The following KCNH5 variants were observed in gnomAD, a reference collection of about 807,000 sequenced individuals.
KCNH5 encodes the protein potassium voltage-gated channel subfamily H member 5, also known as voltage-gated delayed rectifier potassium channel KCNH5.
In KCNH5, 46 loss-of-function variants were observed where a neutral mutation model predicts 96.1. That is an observed-to-expected ratio of 0.48 (90% CI 0.38 to 0.61). KCNH5 has a LOEUF of 0.61. Among genes scored for constraint, KCNH5 ranks in the 20% least tolerant of loss-of-function variants. The pLI is 0.00. For synonymous variants in KCNH5, 439 were observed against 449.8 expected, an observed-to-expected ratio of 0.98 and a Z score of 0.30; for missense variants, 907 against 1,225.8, an observed-to-expected ratio of 0.74 and a Z score of 3.88.
At chr14:62,741,272 G>A (rs925228143) in intron 10 of KCNH5, among the ~76,000 whole-genome samples, 1 of 152,078 alleles carries the variant, frequency 6.6e-6, no homozygotes, top group African/African-American at 2.4e-5. Context: ...GGGGATAATT[G>A]GCAATACAAG....
At chr14:62,869,298 C>CT (rs1047031869) in intron 7 of KCNH5, among the ~76,000 whole-genome samples, 1 of 151,784 alleles carries the variant, frequency 6.6e-6, no homozygotes, top group Non-Finnish European at 1.5e-5. Flanking sequence ...TGATGACTAG[C>CT]TTTTTTTCAT....
At position 62,991,717 on chromosome 14, in the gene KCNH5, A is replaced by C. The variant is rs143718836; in HGVS notation, c.434-4530T>G. Among the ~76,000 whole-genome samples, 293 of 152,108 alleles carry C rather than the reference A, an allele frequency of 1.9e-3. 1 individual carries two copies. Among genetic ancestry groups the C allele is most frequent in the African/African-American group, 6.8e-3 (284 of 41,526 alleles). On this transcript the variant is annotated intron_variant, in intron 4 of 10. Coordinates refer to ENST00000322893, the MANE Select transcript of KCNH5 (RefSeq NM_139318.5). ...GGGCCTTCTTGCAGTTCCAGTTCCA[A>C]AGAGTTAGCATTTTTCTCACAACAC...
intron 10 of KCNH5, among the ~76,000 whole-genome samples, chr14:62,708,660 T>C (rs145085921): frequency 2.3e-3 from 353 of 152,256 alleles, no homozygotes; most frequent in African/African-American, 8.0e-3. Flanking sequence ...AAACCCAACA[T>C]AGAAATGTTG....
chr14:62,898,015 G>A (rs893931860), intron 7 of KCNH5, among the ~76,000 whole-genome samples: 6 of 152,282 alleles, frequency 3.9e-5, no homozygotes, highest in Admixed American at 2.0e-4. Context: ...CTGAGTCAAT[G>A]AGCCAGCAAG....
intron 9 of KCNH5, among the ~76,000 whole-genome samples, chr14:62,785,306 T>G (rs900405952): frequency 2.0e-5 from 3 of 152,244 alleles, no homozygotes; most frequent in African/African-American, 7.2e-5. Context: ...AATCATAGGC[T>G]GTGAAAATGT....
rs920298443 is a variant in KCNH5 at position 62,846,535 on chromosome 14, T to C, written c.1569+3118A>G. 5.9e-4 allele frequency among the ~76,000 whole-genome samples: 90 copies of C among 151,890 alleles called. 1 individual carries two copies. Among genetic ancestry groups the C allele is most frequent in the Non-Finnish European group, 5.9e-5 (4 of 67,910 alleles). The stretch of plus-strand genomic sequence containing the variant: ...TGTTTTTTTGCATTTAATTCTCAGT[T>C]TTTCTGATATTTATGTTAGGTCATG... On this transcript the variant is annotated intron_variant, in intron 8 of 10. Coordinates refer to ENST00000322893, the MANE Select transcript of KCNH5 (RefSeq NM_139318.5).
At chr14:62,753,082 A>G (rs1445059778) in intron 10 of KCNH5, among the ~76,000 whole-genome samples, 1 of 152,224 alleles carries the variant, frequency 6.6e-6, no homozygotes, top group Admixed American at 6.5e-5. Context: ...TGCTTTGAGG[A>G]AACTCAAAGA....
intron 9 of KCNH5, among the ~76,000 whole-genome samples, chr14:62,785,861 G>C (rs1394852774): frequency 1.3e-5 from 2 of 152,040 alleles, no homozygotes; most frequent in Non-Finnish European, 2.9e-5. Context: ...CACATTATTT[G>C]GTGAGTTAAT....
intron 7 of KCNH5, among the ~76,000 whole-genome samples, chr14:62,891,442 A>T (rs1184809639): frequency 1.3e-5 from 2 of 152,166 alleles, no homozygotes; most frequent in African/African-American, 4.8e-5. Flanking sequence ...AGCATAAAAG[A>T]TAACTATTGG....
At chr14:62,755,619 A>G (rs1291786198) in intron 10 of KCNH5, among the ~76,000 whole-genome samples, 1 of 152,188 alleles carries the variant, frequency 6.6e-6, no homozygotes, top group Non-Finnish European at 1.5e-5. Flanking sequence ...CCAAACAAAG[A>G]TGCATCGAAA....
At chr14:62,912,555 C>T (rs1042174594) in intron 7 of KCNH5, among the ~76,000 whole-genome samples, 4 of 151,818 alleles carry the variant, frequency 2.6e-5, no homozygotes, top group Admixed American at 1.3e-4. Flanking sequence ...TATAGGTGCC[C>T]GCCACCACAC....
At chr14:62,802,994 A>T (rs1164151072) in intron 8 of KCNH5, among the ~76,000 whole-genome samples, 3 of 152,058 alleles carry the variant, frequency 2.0e-5, no homozygotes, top group African/African-American at 7.2e-5. Flanking sequence ...AGACAAAAAA[A>T]ACAAAAATTA....
chr14:62,798,574 G>A (rs902855907), intron 9 of KCNH5, among the ~76,000 whole-genome samples: 1 of 152,178 alleles, frequency 6.6e-6, no homozygotes, highest in Admixed American at 6.5e-5. Flanking sequence ...TCAGAAAAAG[G>A]TGGAGGTGTA....
At chr14:62,951,785 AC>A (rs1353652286) in intron 6 of KCNH5, among the ~76,000 whole-genome samples, 1 of 151,878 alleles carries the variant, frequency 6.6e-6, no homozygotes, top group African/African-American at 2.4e-5. Context: ...ACATGGCAAA[AC>A]CCTGTCTCTA....
chr14:62,906,377 G>T (rs976975574), intron 7 of KCNH5, among the ~76,000 whole-genome samples: 1 of 152,118 alleles, frequency 6.6e-6, no homozygotes, highest in Admixed American at 6.6e-5. Context: ...GTCAGAGAAG[G>T]CTTCTCTAAT....
intron 10 of KCNH5, among the ~76,000 whole-genome samples, chr14:62,738,610 T>C (rs915525934): frequency 1.3e-5 from 2 of 152,180 alleles, no homozygotes; most frequent in Non-Finnish European, 1.5e-5. Flanking sequence ...ATTCCATGGA[T>C]AATATGTAGT....
At chr14:62,899,766 G>A (rs971004548) in intron 7 of KCNH5, among the ~76,000 whole-genome samples, 3 of 150,906 alleles carry the variant, frequency 2.0e-5, no homozygotes, top group South Asian at 2.1e-4. Context: ...CCCGGGAGGC[G>A]GAGCTTGCAG....
intron 4 of KCNH5, among the ~76,000 whole-genome samples, chr14:62,987,614 C>G (rs1281435476): frequency 5.9e-5 from 9 of 152,160 alleles, no homozygotes; most frequent in Admixed American, 2.6e-4. Context: ...CACTTCCATG[C>G]CGTGATTTAA....
rs530129419 is a variant in KCNH5, at chr14:62,726,632, G to A, written c.2020-18177C>T. 1.9e-4 allele frequency among the ~76,000 whole-genome samples: 29 copies of A among 151,878 alleles called. No homozygotes were observed. The East Asian group carries it at 2.9e-3, about 15-fold the overall frequency. Reference sequence around the variant, plus strand: ...AAATGAAAAAAAAAAATAGAAAAACGGAACTCTTGTAATCTTATGGGGGAA... The same window carrying A: ...AAATGAAAAAAAAAAATAGAAAAACAGAACTCTTGTAATCTTATGGGGGAA... On this transcript the variant is annotated intron_variant, in intron 10 of 10. Coordinates refer to ENST00000322893, the MANE Select transcript of KCNH5 (RefSeq NM_139318.5).
Sources: gnomAD v4.1 joint callset for allele counts (sites outside exome capture counted in the v4.1 genomes callset) on GRCh38, gnomAD v4.1.1 for gene constraint, MANE v1.5 for transcripts, NCBI Gene and HGNC (gene_info 2026-07-23, HGNC 2026-07-21) for gene names.